RASGRF2: variants seen among roughly 807,000 people sequenced by gnomAD.
RASGRF2 encodes the protein Ras protein specific guanine nucleotide releasing factor 2, also known as ras-specific guanine nucleotide-releasing factor 2.
In RASGRF2, 76 loss-of-function variants were observed where a neutral mutation model predicts 151.0. The ratio of observed to expected loss-of-function variants is 0.50; its 90% CI spans 0.42 to 0.61. The LOEUF is 0.61. Among genes scored for constraint, RASGRF2 ranks in the 20% least tolerant of loss-of-function variants. The pLI, the probability that RASGRF2 is intolerant of heterozygous loss-of-function variation, is 0.00. For synonymous variants in RASGRF2, 504 were observed against 566.5 expected (o/e 0.89, Z 1.57); for missense variants, 1,148 against 1,564.6 (o/e 0.73, Z 4.49).
intron 2 of RASGRF2, among the ~76,000 whole-genome samples, chr5:81,052,018 G>A (rs574004637): frequency 1.3e-5 from 2 of 152,148 alleles, no homozygotes; most frequent in African/African-American, 4.8e-5. Flanking sequence ...GTCTTTATAC[G>A]TTCTCATATA....
intron 1 of RASGRF2, among the ~76,000 whole-genome samples, chr5:81,036,646 A>T (rs1198480289): frequency 6.6e-6 from 1 of 152,070 alleles, no homozygotes; most frequent in Non-Finnish European, 1.5e-5. Context: ...AGGACATTGT[A>T]TACCTATTCC....
chr5:81,165,191 C>T (rs1476566536), intron 17 of RASGRF2, among the ~76,000 whole-genome samples: 1 of 152,206 alleles, frequency 6.6e-6, no homozygotes, highest in East Asian at 1.9e-4. Context: ...CTTGTGGTTA[C>T]GGACCCTGGG....
At chr5:81,174,532 C>A (rs56091376) in intron 17 of RASGRF2, among the ~76,000 whole-genome samples, 16,349 of 152,220 alleles carry the variant, frequency 0.11, 1,127 homozygotes, top group Middle Eastern at 0.25. Context: ...GCAAAGCAGG[C>A]ACAGTGACAA....
chr5:81,206,801 G>T (rs761256050), intron 19 of RASGRF2, 44 bp from the exon 20 acceptor site: 5 of 1,522,020 alleles, frequency 3.3e-6, no homozygotes, highest in Non-Finnish European at 1.8e-6. Flanking sequence ...TTCCTAGGTT[G>T]TCTATTTTTT....
At chr5:81,194,323 C>T (rs1295896230) in intron 18 of RASGRF2, among the ~76,000 whole-genome samples, 1 of 152,096 alleles carries the variant, frequency 6.6e-6, no homozygotes, top group Admixed American at 6.5e-5. Context: ...CACCATTGCA[C>T]TCCAGCCTGG....
At chr5:81,045,361 A>T (rs998987441) in intron 2 of RASGRF2, among the ~76,000 whole-genome samples, 1 of 152,228 alleles carries the variant, frequency 6.6e-6, no homozygotes, top group Non-Finnish European at 1.5e-5. Context: ...AAACACAAAT[A>T]ATGCAAATTG....
intron 2 of RASGRF2, among the ~76,000 whole-genome samples, chr5:81,062,489 A>C (rs573620131): frequency 6.6e-6 from 1 of 152,304 alleles, no homozygotes; most frequent in Admixed American, 6.5e-5. Context: ...TTTCTTTTCT[A>C]ATCCTGAGGT....
intron 1 of RASGRF2, among the ~76,000 whole-genome samples, chr5:80,968,367 T>G (rs1747791600): frequency 6.6e-6 from 1 of 152,058 alleles, no homozygotes; most frequent in Non-Finnish European, 1.5e-5. Context: ...TTTTTTTTTT[T>G]GTTAGACCAC....
chr5:80,999,693 G>A (rs889378427), intron 1 of RASGRF2, among the ~76,000 whole-genome samples: 10 of 152,124 alleles, frequency 6.6e-5, no homozygotes, highest in Non-Finnish European at 1.2e-4. Context: ...GGGCGTGGGT[G>A]GAAGTGGGTG....
At chr5:81,123,954 G>A (rs1405921006) in intron 16 of RASGRF2, among the ~76,000 whole-genome samples, 187 bp downstream of exon 16, 1 of 152,166 alleles carries the variant, frequency 6.6e-6, no homozygotes, top group East Asian at 1.9e-4. Flanking sequence ...TTTCATATCT[G>A]TGGATTCAAC....
At chr5:81,000,730 C>G (rs573656674) in intron 1 of RASGRF2, among the ~76,000 whole-genome samples, 84 of 152,234 alleles carry the variant, frequency 5.5e-4, no homozygotes, top group African/African-American at 2.0e-3. Context: ...TTGAATACAG[C>G]GAGTTTCACA....
intron 7 of RASGRF2, among the ~76,000 whole-genome samples, chr5:81,081,363 G>T (rs1202674555): frequency 6.6e-6 from 1 of 152,158 alleles, no homozygotes; most frequent in Non-Finnish European, 1.5e-5. Context: ...AGGACTCTTG[G>T]CAACTAGTCA....
chr5:81,104,186 C>A (rs1752779785), intron 12 of RASGRF2, among the ~76,000 whole-genome samples: 1 of 152,010 alleles, frequency 6.6e-6, no homozygotes, highest in Non-Finnish European at 1.5e-5. Context: ...AAATGATGAT[C>A]TGTAGAAAAT....
Position 81,207,470 on chromosome 5 carries a change from A to G in RASGRF2, c.3071+121A>G, listed in dbSNP as rs545283242. On this transcript the variant is annotated intron_variant, in intron 21 of 26. Transcript: ENST00000265080. Reference sequence around the variant, plus strand: ...CTCAGTTCCTGTGTGAGTATCTACCAGTTGTTTCCATCCATGGAACTGGCA... The same window carrying G: ...CTCAGTTCCTGTGTGAGTATCTACCGGTTGTTTCCATCCATGGAACTGGCA... 2.9e-4 allele frequency: 233 copies of G among 799,008 alleles called. 2 individuals are homozygous for G. The African/African-American group carries it at 3.6e-3, about 12-fold the overall frequency. 49.5% of individuals were successfully genotyped at this position (799,008 alleles called of 1,614,324 possible).
In RASGRF2 at chr5:81,169,370, G is replaced by T. The variant is rs565024169; in HGVS notation, c.2687-10805G>T. On this transcript the variant is annotated intron_variant, in intron 17 of 26. Transcript: ENST00000265080. ...TTTCTCACTGTTCTGGAGGCCAGAA[G>T]TCCAAAACCAAGGTGTCATCAGGGC... Among the ~76,000 whole-genome samples, 7 of 152,306 alleles carry T rather than the reference G, an allele frequency of 4.6e-5. No homozygotes were observed. In the South Asian group the frequency reaches 1.2e-3, roughly 27 times the overall value.
intron 18 of RASGRF2, among the ~76,000 whole-genome samples, chr5:81,188,787 G>A (rs1470960041): frequency 3.3e-5 from 5 of 152,158 alleles, no homozygotes; most frequent in African/African-American, 4.8e-5. Context: ...AGGTTCCACC[G>A]ATAGCAAATG....
At chr5:81,055,305 A>G (rs1163988294) in intron 2 of RASGRF2, among the ~76,000 whole-genome samples, 1 of 152,190 alleles carries the variant, frequency 6.6e-6, no homozygotes, top group African/African-American at 2.4e-5. Context: ...CGTCCCATCA[A>G]TACCTAATTT....
In RASGRF2 at chr5:81,022,551, CA is replaced by C. The variant is rs993894426; in HGVS notation, c.289-20325del. Among the ~76,000 whole-genome samples, 105 of 152,304 alleles carry C rather than the reference CA, an allele frequency of 6.9e-4. 1 individual carries two copies. The highest frequency in any genetic ancestry group is 2.5e-3 in the African/African-American group (103 of 41,558). ...AGCTCTTTGGCATCAGCTTTGTCAT[CA>C]GTGCCTTAAGCTCCTCATTCTTCTC... is the stretch of plus-strand genomic sequence containing the variant. On this transcript the variant is annotated intron_variant, in intron 1 of 26. Transcript: ENST00000265080.
At chr5:81,136,484 G>A (rs1753757003) in intron 17 of RASGRF2, among the ~76,000 whole-genome samples, 2 of 152,074 alleles carry the variant, frequency 1.3e-5, no homozygotes, top group African/African-American at 4.8e-5. Flanking sequence ...TTGCTTGCCT[G>A]GTTTCTGATG....
Sources: allele counts gnomAD v4.1 joint callset (sites outside exome capture counted in the v4.1 genomes callset), GRCh38; gene constraint gnomAD v4.1.1; transcripts MANE v1.5; gene names NCBI Gene and HGNC (gene_info 2026-07-23, HGNC 2026-07-21).